The following PI4KA variants were observed in gnomAD, a reference collection of about 807,000 sequenced individuals.
The protein encoded by PI4KA is phosphatidylinositol 4-kinase alpha, also known as PI4-kinase alpha.
PI4KA carries 122 observed loss-of-function variants against 271.4 expected under a neutral mutation model. The ratio of observed to expected loss-of-function variants is 0.45; its 90% CI spans 0.39 to 0.52. PI4KA has a LOEUF of 0.52. Among genes scored for constraint, PI4KA ranks in the 20% least tolerant of loss-of-function variants. The pLI is 0.00. For missense variants in PI4KA, 1,969 were observed against 2,769.1 expected, an observed-to-expected ratio of 0.71 and a Z score of 6.48; for synonymous variants, 1,041 against 1,078.8, an observed-to-expected ratio of 0.96 and a Z score of 0.69.
rs189238822 is a variant in PI4KA, at chr22:20,765,021, C to T, written c.2575-71G>A. On this transcript the variant is annotated intron_variant, in intron 21 of 54. Coordinates refer to ENST00000255882, the MANE Select transcript of PI4KA (RefSeq NM_058004.4). The stretch of plus-strand genomic sequence containing the variant: ...ACAAACAGGTCCCAGTGGCTGGCAA[C>T]ATGTGTTAATAATGACAGTGAAAAG... The T allele has an allele frequency of 1.4e-4, 223 of 1,579,596 alleles. No individual in the cohort carries two copies. In the African/African-American group the frequency reaches 2.6e-3, roughly 19 times the overall value.
intron 18 of PI4KA, among the ~76,000 whole-genome samples, chr22:20,794,558 T>G (rs538158879): frequency 6.6e-6 from 1 of 152,288 alleles, no homozygotes; most frequent in African/African-American, 2.4e-5. Flanking sequence ...ACAAGAGTCT[T>G]AGGATCCCTG....
chr22:20,798,863 C>T, intron 16 of PI4KA, 176 bp from the exon 17 acceptor site: 1 of 627,816 alleles, frequency 1.6e-6, no homozygotes, highest in Non-Finnish European at 2.8e-6. Context: ...CTAAAAGGGA[C>T]ATGGCTTAGA....
chr22:20,742,813 G>A, intron 30 of PI4KA, 49 bp from the exon 31 acceptor site: 1 of 1,594,152 alleles, frequency 6.3e-7, no homozygotes, highest in African/African-American at 1.3e-5. Context: ...CAGGCAATGT[G>A]GGTAAGGTTC....
chr22:20,846,404 TAAAG>T (rs569369112), intron 1 of PI4KA, among the ~76,000 whole-genome samples: 173 of 149,140 alleles, frequency 1.2e-3, no homozygotes, highest in African/African-American at 4.1e-3. Flanking sequence ...AAAAAAATAA[TAAAG>T]AAAAACACTA....
intron 18 of PI4KA, among the ~76,000 whole-genome samples, chr22:20,794,832 T>C (rs1490422934): frequency 6.6e-6 from 1 of 152,224 alleles, no homozygotes; most frequent in Non-Finnish European, 1.5e-5. Flanking sequence ...CAACACCTGT[T>C]CTTGCAAATA....
chr22:20,830,727 A>T (rs1303789847), intron 3 of PI4KA, among the ~76,000 whole-genome samples: 2 of 152,054 alleles, frequency 1.3e-5, no homozygotes, highest in African/African-American at 2.4e-5. Context: ...TGGTTGCTTT[A>T]TAGTGTCACT....
chr22:20,828,385 A>G (rs1156480276), intron 3 of PI4KA, among the ~76,000 whole-genome samples: 1 of 152,088 alleles, frequency 6.6e-6, no homozygotes, highest in Non-Finnish European at 1.5e-5. Context: ...GGACTTCCAG[A>G]ACTATGCTGG....
chr22:20,851,981 G>A (rs926012654), intron 1 of PI4KA, among the ~76,000 whole-genome samples: 4 of 151,996 alleles, frequency 2.6e-5, no homozygotes, highest in East Asian at 1.9e-4. Flanking sequence ...AAAATTAGCC[G>A]GGCGTGGTGG....
At position 20,772,723 on chromosome 22, in the gene PI4KA, C is replaced by T. The variant is rs77590155; in HGVS notation, c.2329-7030G>A. 8.1e-3 allele frequency among the ~76,000 whole-genome samples: 1,239 copies of T among 152,332 alleles called. 17 individuals carry two copies. Among genetic ancestry groups the T allele is most frequent in the African/African-American group, 0.028 (1,179 of 41,576 alleles). ...CTTGAGGAGCAGTCTCTGTGATAAG[C>T]TGATCTTCCAGACAATCCAGAATAT... On this transcript the variant is annotated intron_variant, in intron 19 of 54. Coordinates refer to ENST00000255882, the MANE Select transcript of PI4KA (RefSeq NM_058004.4).
chr22:20,783,868 G>A, intron 19 of PI4KA: 2 of 1,496,034 alleles, frequency 1.3e-6, no homozygotes, highest in South Asian at 1.1e-5. Flanking sequence ...GGCTCTGCAG[G>A]CTATCTGAAT....
chr22:20,856,231 G>GA (rs948878524), intron 1 of PI4KA, among the ~76,000 whole-genome samples: 2 of 152,026 alleles, frequency 1.3e-5, no homozygotes, highest in African/African-American at 4.8e-5. Flanking sequence ...AAAATAGCTT[G>GA]AAACTGAGAG....
In PI4KA at chr22:20,781,719, GACC is replaced by G. The variant is rs766959153; in HGVS notation, c.2328+11471_2328+11473del. Reference sequence around the variant, plus strand: ...GGCTTGCGGCAGACACACACACAGAGACCACATGTACATGATGAACACACATAT... The same window carrying G: ...GGCTTGCGGCAGACACACACACAGAGACATGTACATGATGAACACACATAT... On this transcript the variant is annotated intron_variant, in intron 19 of 54. Coordinates refer to ENST00000255882, the MANE Select transcript of PI4KA (RefSeq NM_058004.4). 5.3e-5 allele frequency among the ~76,000 whole-genome samples: 8 copies of G among 152,360 alleles called. No individual in the cohort carries two copies. The East Asian group carries it at 1.4e-3, about 26-fold the overall frequency.
intron 3 of PI4KA, among the ~76,000 whole-genome samples, chr22:20,834,094 T>C (rs1019649171): frequency 6.6e-6 from 1 of 152,074 alleles, no homozygotes; most frequent in African/African-American, 2.4e-5. Context: ...AACTGGAACT[T>C]AGAAACAAAG....
chr22:20,853,637 G>T (rs1320122060), intron 1 of PI4KA, among the ~76,000 whole-genome samples: 1 of 152,222 alleles, frequency 6.6e-6, no homozygotes, highest in African/African-American at 2.4e-5. Context: ...TTCCAATCCT[G>T]GGGGTGGGAC....
At chr22:20,830,370 T>C (rs1220655158) in intron 3 of PI4KA, among the ~76,000 whole-genome samples, 3 of 152,216 alleles carry the variant, frequency 2.0e-5, no homozygotes, top group African/African-American at 7.2e-5. Flanking sequence ...CAAATCTTGC[T>C]GAATCAAGCC....
intron 28 of PI4KA, among the ~76,000 whole-genome samples, chr22:20,748,213 C>A (rs1307183575): frequency 6.6e-6 from 1 of 152,236 alleles, no homozygotes; most frequent in Non-Finnish European, 1.5e-5. Flanking sequence ...AGGCCAATTC[C>A]CCGAGCGGCT....
chr22:20,807,582 T>A, intron 9 of PI4KA, 124 bp from the exon 10 acceptor site: 1 of 629,598 alleles, frequency 1.6e-6, no homozygotes, highest in Non-Finnish European at 2.9e-6. Context: ...AAGCAACTGT[T>A]TATCATGACT....
chr22:20,721,726 G>A (rs1402116942), intron 42 of PI4KA: 1 of 301,846 alleles, frequency 3.3e-6, no homozygotes, highest in Non-Finnish European at 6.4e-6. Context: ...GAGTTGTCAA[G>A]TACGAGAAAA....
Position 20,813,611 on chromosome 22 carries a change from A to ATTTATATCCCAATTCTC in PI4KA, c.857-122_857-106dup, listed in dbSNP as rs1373228562. 117 of 923,866 alleles carry ATTTATATCCCAATTCTC rather than the reference A, an allele frequency of 1.3e-4. 2 individuals carry two copies. Among genetic ancestry groups the ATTTATATCCCAATTCTC allele is most frequent in the Middle Eastern group, 6.5e-4 (2 of 3,066 alleles). 57.2% of individuals were successfully genotyped at this position (923,866 alleles called of 1,614,324 possible). On this transcript the variant is annotated intron_variant, in intron 7 of 54. Coordinates refer to ENST00000255882, the MANE Select transcript of PI4KA (RefSeq NM_058004.4). ...CAACAAAGGTGCAGATTTTGCCTTT[A>ATTTATATCCCAATTCTC]TTTATATCCCAATTCTCTGCATGTT...
Sources: gnomAD v4.1 joint callset for allele counts (sites outside exome capture counted in the v4.1 genomes callset) on GRCh38, gnomAD v4.1.1 for gene constraint, MANE v1.5 for transcripts, NCBI Gene and HGNC (gene_info 2026-07-23, HGNC 2026-07-21) for gene names.